Variants in ROR1 observed in about 807,000 individuals in gnomAD.
ROR1 encodes the protein ROR family WNT receptor 1.
In ROR1, 19 loss-of-function variants were observed where a neutral mutation model predicts 78.8. That is an observed-to-expected ratio of 0.24 (90% CI 0.17 to 0.35). The LOEUF (loss-of-function observed/expected upper bound fraction) is 0.35, where lower values mean the gene tolerates loss of function less well. ROR1 is among the 10% of genes least tolerant of loss of function. The probability of loss-of-function intolerance (pLI) is 1.00; values close to 1 mark genes in which losing one functional copy is unlikely to be tolerated. For missense variants in ROR1, 917 were observed against 1,177.8 expected (o/e 0.78, Z 3.24); for synonymous variants, 386 against 433.6 (o/e 0.89, Z 1.36).
intron 8 of ROR1, among the ~76,000 whole-genome samples, chr1:64,175,682 C>T (rs575591859): frequency 1.3e-5 from 2 of 152,282 alleles, no homozygotes; most frequent in Admixed American, 1.3e-4. Flanking sequence ...TCCAAAATCC[C>T]CAATCCCAAT....
At chr1:63,948,894 A>G (rs1272019847) in intron 1 of ROR1, among the ~76,000 whole-genome samples, 2 of 152,122 alleles carry the variant, frequency 1.3e-5, no homozygotes, top group African/African-American at 2.4e-5. Context: ...AGGCTCCAAA[A>G]CTGTGAGATT....
At chr1:64,053,464 G>A (rs532911497) in intron 4 of ROR1, among the ~76,000 whole-genome samples, 37 of 152,252 alleles carry the variant, frequency 2.4e-4, no homozygotes, top group African/African-American at 7.7e-4. Context: ...TTTGGTTTCC[G>A]TTCATAGATT....
At position 64,181,281 on chromosome 1, in the gene ROR1, A is replaced by C. The variant is rs1186438722; in HGVS notation, c.*2426A>C. ...TGGCAATTTTCAGATATCTCACCTT[A>C]CCATATCTTTCCTTATTTTCACTGC... is the stretch of plus-strand genomic sequence containing the variant. On this transcript the variant is annotated 3_prime_UTR_variant, in exon 9 of 9. Coordinates refer to ENST00000371079, the MANE Select transcript of ROR1 (RefSeq NM_005012.4). The C allele has an allele frequency of 6.6e-6, 1 of 152,106 alleles. No homozygotes were observed. The highest frequency in any genetic ancestry group is 2.4e-5 in the African/African-American group (1 of 41,422). The allele number at this position is 152,106 out of a possible 1,614,324, so 9.4% of individuals were successfully genotyped here. A position where few individuals can be genotyped will look rare whatever the true frequency, so the allele number is the denominator to read the frequency against.
At chr1:63,849,278 A>G (rs566797924) in intron 1 of ROR1, among the ~76,000 whole-genome samples, 1 of 152,298 alleles carries the variant, frequency 6.6e-6, no homozygotes, top group East Asian at 1.9e-4. Flanking sequence ...CAACCCATTC[A>G]GTTCATTTGT....
intron 1 of ROR1, among the ~76,000 whole-genome samples, chr1:63,807,689 G>A (rs1644838117): frequency 6.6e-6 from 1 of 152,106 alleles, no homozygotes; most frequent in Admixed American, 6.6e-5. Flanking sequence ...TGAAGGCAGG[G>A]ATGATGCCCT....
At chr1:63,940,482 C>CAGATAGAT (rs1220265909) in intron 1 of ROR1, among the ~76,000 whole-genome samples, 1 of 81,618 alleles carries the variant, frequency 1.2e-5, no homozygotes, top group East Asian at 4.2e-4. Context: ...GATAGATAGA[C>CAGATAGAT]AGATAGATAG....
Position 64,098,193 on chromosome 1 carries a change from G to A in ROR1, c.483-39176G>A, listed in dbSNP as rs190032280. Among the ~76,000 whole-genome samples the A allele has an allele frequency of 1.2e-3, 183 of 152,250 alleles. 2 individuals carry two copies. The highest frequency in any genetic ancestry group is 0.011 in the Admixed American group (162 of 15,300). ...TGATTTACTGGATCTGGAGGCTTGT[G>A]CTGTGAGTGAGAAGTGAGGGTGAAA... On this transcript the variant is annotated intron_variant, in intron 4 of 8. Coordinates refer to ENST00000371079, the MANE Select transcript of ROR1 (RefSeq NM_005012.4).
intron 1 of ROR1, among the ~76,000 whole-genome samples, chr1:64,005,486 C>A (rs1338534336): frequency 6.6e-6 from 1 of 152,184 alleles, no homozygotes; most frequent in Admixed American, 6.5e-5. Context: ...TGAAGAGAGG[C>A]TGCCAGGCTG....
Position 63,788,970 on chromosome 1 carries a change from G to C in ROR1, c.91+14462G>C, listed in dbSNP as rs959157287. ...ATACATGAGGTGATCAATCTTCTTA[G>C]ATATGCGGTATCTTCTGAGCAGCCA... On this transcript the variant is annotated intron_variant, in intron 1 of 8. Transcript: ENST00000371079. 28 of 672,324 alleles carry C rather than the reference G, an allele frequency of 4.2e-5. No homozygotes were observed. The Admixed American group carries it at 5.1e-4, about 12-fold the overall frequency. 41.6% of individuals were successfully genotyped at this position (672,324 alleles called of 1,614,324 possible). A position where few individuals can be genotyped will look rare whatever the true frequency, so the allele number is the denominator to read the frequency against.
chr1:64,089,969 C>T (rs574819877), intron 4 of ROR1, among the ~76,000 whole-genome samples: 3 of 152,172 alleles, frequency 2.0e-5, no homozygotes, highest in African/African-American at 7.2e-5. Flanking sequence ...CTTTTGCCTG[C>T]CACCATGTAA....
chr1:64,061,295 T>C (rs1646915524), intron 4 of ROR1, among the ~76,000 whole-genome samples: 1 of 152,236 alleles, frequency 6.6e-6, no homozygotes, highest in Admixed American at 6.5e-5. Flanking sequence ...CAGAAATGGG[T>C]GTCGGGAACA....
chr1:64,137,527 C>A lies in ROR1; in HGVS notation c.610+31C>A, dbSNP rs749456043. 8 of 1,595,730 alleles carry A rather than the reference C, an allele frequency of 5.0e-6. No homozygotes were observed. In the East Asian group the frequency reaches 1.6e-4, roughly 31 times the overall value. ...TAGCACCAATGAAATTATATTTGTC[C>A]CTTGAATAACTATTTTTCTCGCCAA... On this transcript the variant is annotated intron_variant, in intron 5 of 8. Coordinates refer to ENST00000371079, the MANE Select transcript of ROR1 (RefSeq NM_005012.4).
At chr1:63,807,795 T>C (rs935741692) in intron 1 of ROR1, among the ~76,000 whole-genome samples, 1 of 152,114 alleles carries the variant, frequency 6.6e-6, no homozygotes. Flanking sequence ...CATCAGTATT[T>C]GGTAAATAGA....
Position 64,178,557 on chromosome 1 carries a change from C to T in ROR1, c.2516C>T (p.Thr839Ile). The T allele has an allele frequency of 1.2e-6, 2 of 1,614,192 alleles. No homozygotes were observed. The highest frequency in any genetic ancestry group is 1.7e-6 in the Non-Finnish European group (2 of 1,180,038). ...TTTCCAGCTGCCCACTACCAGCCAA[C>T]AGGTCCTCCCAGAGTGATTCAGCAC... ...AAFPAAHYQP[T>I]GPPRVIQHCP... The change falls in exon 9 of 9, where the codon ACA (threonine) becomes ATA (isoleucine). Residue 839 changes from threonine (T) to isoleucine (I), a missense_variant. Thr to Ile is a moderately conservative substitution (Grantham distance 89, BLOSUM62 -1). This residue lies in a region of ROR1 where 835 missense variants were observed against 1,069.8 expected (regional missense o/e 0.78). Transcript: ENST00000371079. The surrounding 1 kb of genome is among the most constrained non-coding windows in gnomAD (Gnocchi z 4.3).
chr1:64,175,440 G>T (rs1650355220), intron 8 of ROR1, among the ~76,000 whole-genome samples: 1 of 151,874 alleles, frequency 6.6e-6, no homozygotes. Flanking sequence ...TCTCTATAGG[G>T]ACATGGAGGT....
At chr1:64,114,459 G>A (rs1353895761) in intron 4 of ROR1, among the ~76,000 whole-genome samples, 1 of 152,118 alleles carries the variant, frequency 6.6e-6, no homozygotes, top group African/African-American at 2.4e-5. Flanking sequence ...CCCAGGGCAG[G>A]TGTGAACAAC....
At chr1:64,026,586 C>A (rs1395014588) in intron 2 of ROR1, among the ~76,000 whole-genome samples, 1 of 152,024 alleles carries the variant, frequency 6.6e-6, no homozygotes, top group Admixed American at 6.5e-5. Flanking sequence ...AAAGAACTGC[C>A]CTGGGCTTGG....
chr1:63,883,821 C>T (rs1448839842), intron 1 of ROR1, among the ~76,000 whole-genome samples: 1 of 152,210 alleles, frequency 6.6e-6, no homozygotes, highest in Non-Finnish European at 1.5e-5. Context: ...ACACCTTCCC[C>T]TGCCCCTAGG....
intron 7 of ROR1, among the ~76,000 whole-genome samples, chr1:64,148,615 G>A (rs1344388327): frequency 2.6e-5 from 4 of 152,186 alleles, no homozygotes; most frequent in Non-Finnish European, 5.9e-5. Flanking sequence ...GTGAACGTTT[G>A]TTGTACTTTC....
Sources: allele counts gnomAD v4.1 joint callset (sites outside exome capture counted in the v4.1 genomes callset), GRCh38; gene constraint gnomAD v4.1.1; regional missense constraint gnomAD v4.1.1; non-coding constraint Gnocchi (gnomAD v3.1); transcripts MANE v1.5; gene names NCBI Gene and HGNC (gene_info 2026-07-23, HGNC 2026-07-21).